Variants in DLGAP1 observed in about 807,000 individuals in gnomAD.
DLGAP1 encodes the protein disks large-associated protein 1.
A neutral mutation model predicts 90.8 loss-of-function variants in DLGAP1; 11 were observed. The observed-to-expected ratio is 0.12, with a 90% confidence interval of 0.08 to 0.20. The LOEUF is 0.20. DLGAP1 is among the 10% of genes least tolerant of loss of function. The pLI, the probability that DLGAP1 is intolerant of heterozygous loss-of-function variation, is 1.00. For synonymous variants in DLGAP1, 558 were observed against 540.7 expected (o/e 1.03, Z -0.44); for missense variants, 1,050 against 1,333.8 (o/e 0.79, Z 3.31).
At chr18:4,400,451 C>T (rs1402387174) in intron 1 of DLGAP1, among the ~76,000 whole-genome samples, 2 of 152,230 alleles carry the variant, frequency 1.3e-5, no homozygotes, top group African/African-American at 4.8e-5. Context: ...GCAGATGATG[C>T]CTGGGCCACT....
intron 2 of DLGAP1, among the ~76,000 whole-genome samples, chr18:4,143,374 A>C (rs1208549001): frequency 1.3e-5 from 2 of 151,626 alleles, no homozygotes; most frequent in African/African-American, 4.8e-5. Flanking sequence ...CAAGCAGAAG[A>C]ACCTCTCTCC....
chr18:3,751,886 T>C (rs572216244), intron 5 of DLGAP1, among the ~76,000 whole-genome samples: 86 of 142,438 alleles, frequency 6.0e-4, no homozygotes, highest in East Asian at 4.1e-3. Flanking sequence ...TCTTCTTCTT[T>C]TTTTTTTTTT....
chr18:4,063,830 T>C (rs566919256), intron 2 of DLGAP1, among the ~76,000 whole-genome samples: 1 of 152,184 alleles, frequency 6.6e-6, no homozygotes, highest in African/African-American at 2.4e-5. Context: ...GTGGTTTCTG[T>C]AACTCATTAG....
At chr18:3,721,571 G>A (rs1177241198) in intron 7 of DLGAP1, 1 of 152,050 alleles carries the variant, frequency 6.6e-6, no homozygotes, top group East Asian at 1.9e-4. Flanking sequence ...GAGAGGCCAT[G>A]TCAATAATAT....
intron 1 of DLGAP1, among the ~76,000 whole-genome samples, chr18:4,234,497 A>C (rs1483005620): frequency 6.6e-6 from 1 of 152,142 alleles, no homozygotes; most frequent in Non-Finnish European, 1.5e-5. Flanking sequence ...CAAATGTATA[A>C]ACTCTTCTAC....
intron 1 of DLGAP1, among the ~76,000 whole-genome samples, chr18:4,409,900 C>T (rs569327193): frequency 1.3e-4 from 20 of 152,124 alleles, no homozygotes; most frequent in African/African-American, 4.6e-4. Flanking sequence ...AATTGTGGAA[C>T]CAAACCAATG....
intron 7 of DLGAP1, among the ~76,000 whole-genome samples, chr18:3,630,004 T>G (rs764872645): frequency 6.6e-6 from 1 of 152,232 alleles, no homozygotes; most frequent in Non-Finnish European, 1.5e-5. Context: ...CTAGAATTGC[T>G]TAGGAGGGCT....
intron 7 of DLGAP1, among the ~76,000 whole-genome samples, chr18:3,605,781 TTAAG>T (rs1387483346): frequency 1.3e-5 from 2 of 152,062 alleles, no homozygotes; most frequent in African/African-American, 2.4e-5. Context: ...TCCAGAGAGG[TTAAG>T]TGACTTTTCC....
At chr18:4,024,979 C>T (rs187919383) in intron 2 of DLGAP1, among the ~76,000 whole-genome samples, 7 of 152,266 alleles carry the variant, frequency 4.6e-5, no homozygotes, top group African/African-American at 1.2e-4. Context: ...GCAGGAGACT[C>T]GGACACTGGG....
intron 8 of DLGAP1, among the ~76,000 whole-genome samples, chr18:3,568,683 T>TTTTG (rs1044631478): frequency 2.0e-5 from 3 of 152,038 alleles, no homozygotes; most frequent in East Asian, 1.9e-4. Context: ...ATATTTAAAT[T>TTTTG]TTTGTTTGTT....
intron 1 of DLGAP1, among the ~76,000 whole-genome samples, chr18:4,332,215 C>T (rs1450454921): frequency 6.6e-6 from 1 of 151,888 alleles, no homozygotes; most frequent in Non-Finnish European, 1.5e-5. Context: ...TTAATCGAAA[C>T]TTTAGTTCAT....
intron 1 of DLGAP1, among the ~76,000 whole-genome samples, chr18:4,374,533 A>AT (rs1167561196): frequency 1.3e-5 from 2 of 152,134 alleles, no homozygotes; most frequent in Non-Finnish European, 2.9e-5. Context: ...GAGAAGACAG[A>AT]TACTGCATGA....
intron 1 of DLGAP1, among the ~76,000 whole-genome samples, chr18:4,364,300 A>G (rs1662500364): frequency 6.7e-6 from 1 of 148,650 alleles, no homozygotes; most frequent in African/African-American, 2.5e-5. Flanking sequence ...AGATATACCT[A>G]ATGCTAAATG....
chr18:4,412,352 C>T (rs1598380719), intron 1 of DLGAP1, among the ~76,000 whole-genome samples: 2 of 152,326 alleles, frequency 1.3e-5, no homozygotes, highest in East Asian at 3.9e-4. Context: ...CTGGCATAAA[C>T]ATGATGCAGA....
chr18:3,890,091 C>T (rs989452344), intron 3 of DLGAP1, among the ~76,000 whole-genome samples: 1 of 152,186 alleles, frequency 6.6e-6, no homozygotes, highest in Non-Finnish European at 1.5e-5. Context: ...ACCCTCCTGC[C>T]CAGTGGGTAA....
intron 1 of DLGAP1, among the ~76,000 whole-genome samples, chr18:4,282,298 A>G (rs1450884276): frequency 6.6e-6 from 1 of 150,888 alleles, no homozygotes. Flanking sequence ...TGGGAGGCGG[A>G]GCTTGCAGTG....
In DLGAP1 at chr18:3,656,998, A is replaced by G. The variant is rs183704276; in HGVS notation, c.1591+72137T>C. Reference sequence around the variant, plus strand: ...CCTGACCTTGTGATCCGCCCGCCTCAGCCTCCCAAAGTGCTGGGATTACAG... The same window carrying G: ...CCTGACCTTGTGATCCGCCCGCCTCGGCCTCCCAAAGTGCTGGGATTACAG... On this transcript the variant is annotated intron_variant, in intron 7 of 12. Coordinates refer to ENST00000315677, the MANE Select transcript of DLGAP1 (RefSeq NM_004746.4). 9.6e-3 allele frequency among the ~76,000 whole-genome samples: 1,468 copies of G among 152,220 alleles called. 24 individuals carry two copies. Among genetic ancestry groups the G allele is most frequent in the African/African-American group, 0.032 (1,341 of 41,540 alleles).
intron 1 of DLGAP1, among the ~76,000 whole-genome samples, chr18:4,297,267 G>C (rs1279558641): frequency 5.9e-5 from 9 of 152,088 alleles, no homozygotes; most frequent in African/African-American, 2.2e-4. Context: ...CCATAAAGGT[G>C]AATCTGAAGA....
Position 3,727,571 on chromosome 18 carries a change from T to G in DLGAP1, c.1591+1564A>C, listed in dbSNP as rs1268999725. 1 of 152,002 alleles carries G rather than the reference T, an allele frequency of 6.6e-6. No homozygotes were observed. Among genetic ancestry groups the G allele is most frequent in the East Asian group, 1.9e-4 (1 of 5,182 alleles). The allele number at this position is 152,002 out of a possible 1,614,324, so 9.4% of individuals were successfully genotyped here. ...TCATACAGAAGAATGGACCAGACAC[T>G]GGGAACGGGTTGTGTGTTGGGTGGG... On this transcript the variant is annotated intron_variant, in intron 7 of 12. Coordinates refer to ENST00000315677, the MANE Select transcript of DLGAP1 (RefSeq NM_004746.4). The surrounding 1 kb of genome is among the most constrained non-coding windows in gnomAD (Gnocchi z 4.7).
Sources: gnomAD v4.1 joint callset for allele counts (sites outside exome capture counted in the v4.1 genomes callset) on GRCh38, gnomAD v4.1.1 for gene constraint, Gnocchi (gnomAD v3.1) non-coding constraint, MANE v1.5 for transcripts, NCBI Gene and HGNC (gene_info 2026-07-23, HGNC 2026-07-21) for gene names.